SNX13: variants seen among roughly 807,000 people sequenced by gnomAD.
The protein encoded by SNX13 is sorting nexin 13.
In SNX13, 45 loss-of-function variants were observed where a neutral mutation model predicts 133.6. The ratio of observed to expected loss-of-function variants is 0.34; its 90% CI spans 0.27 to 0.43. The LOEUF is 0.43. Among genes scored for constraint, SNX13 ranks in the 20% least tolerant of loss-of-function variants. The probability of loss-of-function intolerance (pLI) is 1.00; values close to 1 mark genes in which losing one functional copy is unlikely to be tolerated. For missense variants in SNX13, 1,032 were observed against 1,145.1 expected, an observed-to-expected ratio of 0.90 and a Z score of 1.43; for synonymous variants, 414 against 373.9, an observed-to-expected ratio of 1.11 and a Z score of -1.24.
At chr7:17,864,625 C>T (rs1793139408) in intron 9 of SNX13, among the ~76,000 whole-genome samples, 1 of 151,684 alleles carries the variant, frequency 6.6e-6, no homozygotes, top group Admixed American at 6.6e-5. Flanking sequence ...TTTTAAAACC[C>T]AGAAAAAAAC....
chr7:17,870,530 T>C (rs1793964457), intron 8 of SNX13, among the ~76,000 whole-genome samples: 1 of 152,228 alleles, frequency 6.6e-6, no homozygotes, highest in Non-Finnish European at 1.5e-5. Flanking sequence ...AATGTGCTCA[T>C]TAAAATCCTA....
At position 17,828,126 on chromosome 7, in the gene SNX13, T is replaced by C. The variant is rs191983907; in HGVS notation, c.1635+1884A>G. ...AAATGTCTTTTTGTCTCTTAAAATA[T>C]GCAATTAGTAAATATTATTTTCATT... On this transcript the variant is annotated intron_variant, in intron 16 of 25. Coordinates refer to ENST00000428135, the MANE Select transcript of SNX13 (RefSeq NM_015132.5). 3.1e-4 allele frequency among the ~76,000 whole-genome samples: 47 copies of C among 151,852 alleles called. No individual in the cohort carries two copies. The East Asian group carries it at 7.5e-3, about 24-fold the overall frequency.
At chr7:17,830,090 A>AAAACGGTTGCTT (rs1354540206) in intron 15 of SNX13, 43 bp from the exon 16 acceptor site, 5 of 1,470,270 alleles carry the variant, frequency 3.4e-6, no homozygotes, top group Non-Finnish European at 4.6e-6. Flanking sequence ...AAAAAACTTT[A>AAAACGGTTGCTT]AAACGGTTGC....
In SNX13 at chr7:17,799,053, T is replaced by C. The variant is rs1227548680; in HGVS notation, c.2400A>G (p.Leu800=). 5 of 1,610,974 alleles carry C rather than the reference T, an allele frequency of 3.1e-6. No individual in the cohort carries two copies. In the South Asian group the frequency reaches 5.5e-5, roughly 18 times the overall value. The part of the protein sequence containing the change: ...NQWLRRNIKN[L]LQQLIRATYG... ...ATGTAGCTCTAATAAGCTGTTGAAG[T>C]AGGTTTTTGATATTCCTTCGCAACC... Residue 800 remains leucine, a synonymous_variant, in exon 23 of 26, where the codon CTA becomes CTG. Coordinates refer to ENST00000428135, the MANE Select transcript of SNX13 (RefSeq NM_015132.5).
chr7:17,902,809 G>A (rs889118618), intron 1 of SNX13, among the ~76,000 whole-genome samples: 4 of 152,260 alleles, frequency 2.6e-5, no homozygotes, highest in East Asian at 3.9e-4. Flanking sequence ...AGCATGCCGC[G>A]AGCATTAGCA....
chr7:17,790,832 G>C lies in SNX13; in HGVS notation c.*3213C>G, dbSNP rs544145828. The C allele has an allele frequency of 1.3e-3, 192 of 152,116 alleles. No individual in the cohort carries two copies. Among genetic ancestry groups the C allele is most frequent in the African/African-American group, 4.4e-3 (184 of 41,534 alleles). The allele number at this position is 152,116 out of a possible 1,614,324, so 9.4% of individuals were successfully genotyped here. Reference sequence around the variant, plus strand: ...CCAAATAAATTTTTTAATCCTTTTAGTTGAATAAAAATAACTGACATTCTG... The same window carrying C: ...CCAAATAAATTTTTTAATCCTTTTACTTGAATAAAAATAACTGACATTCTG... On this transcript the variant is annotated 3_prime_UTR_variant, in exon 26 of 26. Coordinates refer to ENST00000428135, the MANE Select transcript of SNX13 (RefSeq NM_015132.5).
chr7:17,842,622 C>T (rs1191174728), intron 12 of SNX13, among the ~76,000 whole-genome samples: 1 of 151,856 alleles, frequency 6.6e-6, no homozygotes, highest in East Asian at 1.9e-4. Flanking sequence ...ACTGGAAAGA[C>T]GAATACGATT....
At chr7:17,882,719 G>C in intron 5 of SNX13, 1 of 912,498 alleles carries the variant, frequency 1.1e-6, no homozygotes, top group African/African-American at 1.8e-5. Context: ...AAGAAATCAA[G>C]ATTAGTAACA....
chr7:17,868,356 C>T (rs1019713341), intron 9 of SNX13, 51 bp downstream of exon 9: 14 of 1,358,380 alleles, frequency 1.0e-5, no homozygotes, highest in Admixed American at 5.9e-5. Context: ...TATATTTTTA[C>T]ATTTCAAAAA....
Position 17,796,806 on chromosome 7 carries a change from TA to T in SNX13, c.2626+20del, listed in dbSNP as rs771336708. 55 of 1,522,442 alleles carry T rather than the reference TA, an allele frequency of 3.6e-5. No individual in the cohort carries two copies. The African/African-American group carries it at 7.1e-4, about 20-fold the overall frequency. 94.3% of individuals were successfully genotyped at this position (1,522,442 alleles called of 1,614,324 possible). A position where few individuals can be genotyped will look rare whatever the true frequency, so the allele number is the denominator to read the frequency against. On this transcript the variant is annotated intron_variant, in intron 25 of 25. Transcript: ENST00000428135. ...AAGAATGACAAATTATAAAGATTTT[TA>T]ACTATACATGCTCACTCACCTGGCA...
At chr7:17,886,219 T>A (rs1795969139) in intron 5 of SNX13, among the ~76,000 whole-genome samples, 1 of 152,086 alleles carries the variant, frequency 6.6e-6, no homozygotes, top group Non-Finnish European at 1.5e-5. Flanking sequence ...TATGTATCTA[T>A]CCCTCCTCCC....
chr7:17,876,515 C>T (rs929888088), intron 5 of SNX13, among the ~76,000 whole-genome samples: 2 of 147,612 alleles, frequency 1.4e-5, no homozygotes, highest in Admixed American at 1.4e-4. Context: ...AGGAGGTCAA[C>T]GCTGCAGTGA....
At chr7:17,884,391 G>C (rs140536667) in intron 5 of SNX13, among the ~76,000 whole-genome samples, 294 of 152,280 alleles carry the variant, frequency 1.9e-3, no homozygotes, top group African/African-American at 6.7e-3. Flanking sequence ...AGATACCTAA[G>C]ATGACTTTTT....
At chr7:17,937,591 T>C (rs1165663836) in intron 1 of SNX13, among the ~76,000 whole-genome samples, 1 of 151,652 alleles carries the variant, frequency 6.6e-6, no homozygotes, top group Non-Finnish European at 1.5e-5. Context: ...TTATCATTAC[T>C]ATTCTCATTA....
At chr7:17,897,952 TG>T (rs1459972602) in intron 1 of SNX13, 1 of 151,944 alleles carries the variant, frequency 6.6e-6, no homozygotes, top group East Asian at 1.9e-4. Flanking sequence ...CATTGAAAAT[TG>T]TGATATTATT....
chr7:17,848,135 G>A lies in SNX13; in HGVS notation c.1065+2212C>T, dbSNP rs544025920. ...AAAAACCGAGACTCAGCTGGTAGCCGGGACTACGGCTGGACATTGGAGAGA... is the reference window on the plus strand; with the variant it reads ...AAAAACCGAGACTCAGCTGGTAGCCAGGACTACGGCTGGACATTGGAGAGA... On this transcript the variant is annotated intron_variant, in intron 11 of 25. Coordinates refer to ENST00000428135, the MANE Select transcript of SNX13 (RefSeq NM_015132.5). Among the ~76,000 whole-genome samples, 299 of 152,198 alleles carry A rather than the reference G, an allele frequency of 2.0e-3. 1 individual carries two copies. Among genetic ancestry groups the A allele is most frequent in the South Asian group, 5.2e-3 (25 of 4,820 alleles).
chr7:17,837,086 T>A (rs1789222921), intron 13 of SNX13, among the ~76,000 whole-genome samples: 1 of 151,966 alleles, frequency 6.6e-6, no homozygotes, highest in South Asian at 2.1e-4. Flanking sequence ...CACCTCACAC[T>A]TATTTCTTGT....
intron 20 of SNX13, among the ~76,000 whole-genome samples, chr7:17,805,667 T>C (rs1384901263): frequency 6.6e-6 from 1 of 152,220 alleles, no homozygotes; most frequent in African/African-American, 2.4e-5. Context: ...TTACCTATTA[T>C]GAACTGGTTA....
intron 9 of SNX13, among the ~76,000 whole-genome samples, chr7:17,862,176 T>C (rs570360215): frequency 2.3e-4 from 35 of 152,280 alleles, no homozygotes; most frequent in African/African-American, 7.7e-4. Flanking sequence ...CAGAGGGGAA[T>C]AAAAATAATT....
Sources: allele counts gnomAD v4.1 joint callset (sites outside exome capture counted in the v4.1 genomes callset), GRCh38; gene constraint gnomAD v4.1.1; transcripts MANE v1.5; gene names NCBI Gene and HGNC (gene_info 2026-07-23, HGNC 2026-07-21).